Variants in CLTA observed in about 807,000 individuals in gnomAD.
The protein encoded by CLTA is clathrin, light polypeptide (Lca).
CLTA carries 9 observed loss-of-function variants against 26.9 expected under a neutral mutation model. The ratio of observed to expected loss-of-function variants is 0.33; its 90% CI spans 0.20 to 0.58. The LOEUF (loss-of-function observed/expected upper bound fraction) is 0.58, where lower values mean the gene tolerates loss of function less well. Among genes scored for constraint, CLTA ranks in the 20% least tolerant of loss-of-function variants. The pLI is 0.85. For synonymous variants in CLTA, 120 were observed against 115.5 expected (o/e 1.04, Z -0.25); for missense variants, 278 against 294.2 (o/e 0.94, Z 0.40).
intron 4 of CLTA, chr9:36,210,685 C>T: frequency 1.9e-6 from 3 of 1,613,912 alleles, no homozygotes; most frequent in Non-Finnish European, 1.7e-6. Flanking sequence ...TCTCACTGCC[C>T]CTAACTGTGT....
At chr9:36,211,458 G>T (rs1386989253) in intron 4 of CLTA, 145 bp from the exon 5 acceptor site, 43 of 1,088,648 alleles carry the variant, frequency 3.9e-5, no homozygotes, top group Non-Finnish European at 3.0e-5. Flanking sequence ...ACCTGAGTCT[G>T]ACCTGGGCCA....
At position 36,199,054 on chromosome 9, in the gene CLTA, C is replaced by T. The variant is rs371078162; in HGVS notation, c.331C>T (p.Arg111Cys). The change falls in exon 3 of 5, where the codon CGT becomes TGT. Residue 111 changes from arginine (R) to cysteine (C), a missense_variant. By Grantham distance (180) the Arg-to-Cys change is radical. Transcript: ENST00000345519. ...DRLQSEPESI[R>C]KWREEQMERL... The stretch of plus-strand genomic sequence containing the variant: ...ATTGCAGTCAGAGCCTGAAAGTATC[C>T]GTAAATGGAGAGAAGAACAAATGGA... The T allele has an allele frequency of 4.3e-6, 7 of 1,613,600 alleles. No homozygotes were observed. Among genetic ancestry groups the T allele is most frequent in the Non-Finnish European group, 5.9e-6 (7 of 1,179,710 alleles).
In CLTA at chr9:36,197,107, C is replaced by G. The variant is rs12684464; in HGVS notation, c.218-444C>G. ...GGAGGTTCGCTTGAGCCCAAAAGGT[C>G]GAGGCTACAGTAAGCCATGATTGGG... On this transcript the variant is annotated intron_variant, in intron 1 of 4. Coordinates refer to ENST00000345519, the MANE Select transcript of CLTA (RefSeq NM_001833.4). 5.1e-4 allele frequency among the ~76,000 whole-genome samples: 78 copies of G among 152,138 alleles called. 1 individual carries two copies. The highest frequency in any genetic ancestry group is 1.7e-3 in the African/African-American group (69 of 41,412).
chr9:36,205,515 C>A (rs1330693387), intron 4 of CLTA, among the ~76,000 whole-genome samples: 1 of 152,152 alleles, frequency 6.6e-6, no homozygotes, highest in African/African-American at 2.4e-5. Context: ...GAGAACTCCC[C>A]CAGCCTGCGA....
At chr9:36,192,343 T>C (rs1490718662) in intron 1 of CLTA, among the ~76,000 whole-genome samples, 2 of 152,174 alleles carry the variant, frequency 1.3e-5, no homozygotes. Context: ...TAGTGCTCTG[T>C]GTAAAGGCAT....
At chr9:36,207,674 A>C (rs1563917315) in intron 4 of CLTA, among the ~76,000 whole-genome samples, 1 of 152,196 alleles carries the variant, frequency 6.6e-6, no homozygotes, top group Non-Finnish European at 1.5e-5. Flanking sequence ...CTGGGCCTGC[A>C]ACCTTGACAG....
At chr9:36,204,261 C>A in intron 4 of CLTA, 82 bp downstream of exon 4, 1 of 1,438,808 alleles carries the variant, frequency 7.0e-7, no homozygotes, top group South Asian at 1.3e-5. Flanking sequence ...CGGTTTTTGG[C>A]TTCTGCCTCC....
intron 4 of CLTA, chr9:36,209,143 G>A (rs1827894991): frequency 8.3e-7 from 1 of 1,198,912 alleles, no homozygotes; most frequent in African/African-American, 1.5e-5. Flanking sequence ...TTAGGAAGGA[G>A]CCTTGGGAGC....
chr9:36,194,378 G>A (rs757217775), intron 1 of CLTA, among the ~76,000 whole-genome samples: 4 of 152,186 alleles, frequency 2.6e-5, no homozygotes, highest in African/African-American at 4.8e-5. Flanking sequence ...TTAAAGGGAA[G>A]CTTTCTGGAG....
chr9:36,201,077 A>G (rs553700864), intron 3 of CLTA, among the ~76,000 whole-genome samples: 25 of 152,324 alleles, frequency 1.6e-4, no homozygotes, highest in African/African-American at 6.0e-4. Context: ...GTGTCTGGAA[A>G]GATTTAATTT....
intron 1 of CLTA, among the ~76,000 whole-genome samples, chr9:36,191,939 A>G (rs1276513196): frequency 1.6e-4 from 24 of 152,186 alleles, no homozygotes; most frequent in Non-Finnish European, 4.4e-5. Context: ...AATATTGCCT[A>G]AGCAGAACCC....
chr9:36,198,788 G>A (rs1563910335), intron 2 of CLTA, among the ~76,000 whole-genome samples, 191 bp from the exon 3 acceptor site: 1 of 149,920 alleles, frequency 6.7e-6, no homozygotes. Flanking sequence ...CAGGAGAATT[G>A]CTTGAACCCG....
chr9:36,198,701 A>AG (rs918635701), intron 2 of CLTA, among the ~76,000 whole-genome samples: 1 of 133,494 alleles, frequency 7.5e-6, no homozygotes, highest in Non-Finnish European at 1.6e-5. Context: ...CCCCCACCCC[A>AG]GAAAAAAAAA....
At chr9:36,211,055 C>G (rs1045705342) in intron 4 of CLTA, among the ~76,000 whole-genome samples, 3 of 152,186 alleles carry the variant, frequency 2.0e-5, no homozygotes, top group Non-Finnish European at 4.4e-5. Flanking sequence ...GGAGAATGTC[C>G]TAACAAACCC....
chr9:36,202,565 T>C (rs1329162370), intron 3 of CLTA, among the ~76,000 whole-genome samples: 1 of 152,234 alleles, frequency 6.6e-6, no homozygotes, highest in East Asian at 1.9e-4. Flanking sequence ...AAGCAAAGTG[T>C]AAGCTTTACA....
chr9:36,196,940 G>A (rs945753042), intron 1 of CLTA, among the ~76,000 whole-genome samples: 2 of 152,190 alleles, frequency 1.3e-5, no homozygotes, highest in Non-Finnish European at 2.9e-5. Context: ...TTGGGAGACC[G>A]AGGCGGGTGG....
In CLTA at chr9:36,191,148, C is replaced by G. The variant is rs751085255; in HGVS notation, c.92C>G (p.Pro31Arg). Residue 31 changes from proline to arginine, a missense_variant, in exon 1 of 5, where the codon CCG becomes CGG. By Grantham distance (103) the Pro-to-Arg change is moderately radical. Transcript: ENST00000345519. ...GTGGCCGGCGCCGGCGAAGAAGACC[C>G]GGCTGCGGCCTTCTTGGCGCAGCAA... ...NGVAGAGEED[P>R]AAAFLAQQES... The G allele has an allele frequency of 6.3e-7, 1 of 1,599,422 alleles. No individual in the cohort carries two copies. The highest frequency in any genetic ancestry group is 1.1e-5 in the South Asian group (1 of 90,062).
chr9:36,197,846 G>C (rs1827144086), intron 2 of CLTA, among the ~76,000 whole-genome samples: 1 of 152,162 alleles, frequency 6.6e-6, no homozygotes, highest in Non-Finnish European at 1.5e-5. Context: ...ATGATACTGT[G>C]TTGAGTGCAG....
chr9:36,206,995 G>C (rs567954541), intron 4 of CLTA, among the ~76,000 whole-genome samples: 4 of 152,208 alleles, frequency 2.6e-5, no homozygotes, highest in Non-Finnish European at 5.9e-5. Context: ...GGACCCGAGA[G>C]ATAAGGCAGA....
Sources: gnomAD v4.1 joint callset for allele counts (sites outside exome capture counted in the v4.1 genomes callset) on GRCh38, gnomAD v4.1.1 for gene constraint, MANE v1.5 for transcripts, NCBI Gene and HGNC (gene_info 2026-07-23, HGNC 2026-07-21) for gene names.